SLC24A3: variants seen among roughly 807,000 people sequenced by gnomAD.
SLC24A3 encodes the protein sodium/potassium/calcium exchanger 3.
Under a neutral mutation model 75.8 loss-of-function variants are expected in SLC24A3, and 28 were observed. The observed-to-expected ratio is 0.37, with a 90% CI of 0.27 to 0.51. SLC24A3 has a LOEUF of 0.51. SLC24A3 is among the 20% of genes least tolerant of loss of function. SLC24A3 has a pLI of 0.94. For synonymous variants in SLC24A3, 372 were observed against 334.1 expected, an observed-to-expected ratio of 1.11 and a Z score of -1.24; for missense variants, 663 against 847.8, an observed-to-expected ratio of 0.78 and a Z score of 2.71.
chr20:19,678,635 C>G (rs1330181624), intron 9 of SLC24A3, among the ~76,000 whole-genome samples: 4 of 100,846 alleles, frequency 4.0e-5, no homozygotes, highest in Non-Finnish European at 8.3e-5. Context: ...TGGCCCCGGG[C>G]GGGGGGCTGA....
intron 12 of SLC24A3, among the ~76,000 whole-genome samples, chr20:19,688,842 A>G (rs2032711983): frequency 6.6e-6 from 1 of 152,214 alleles, no homozygotes; most frequent in African/African-American, 2.4e-5. Flanking sequence ...TTTAAGATTG[A>G]TATAACATAG....
intron 6 of SLC24A3, among the ~76,000 whole-genome samples, chr20:19,622,599 C>A (rs912871597): frequency 4.6e-5 from 7 of 152,138 alleles, no homozygotes; most frequent in Non-Finnish European, 7.3e-5. Context: ...ATGCTTTGGG[C>A]TAAACTGGGG....
At chr20:19,399,593 T>C (rs1986515150) in intron 2 of SLC24A3, among the ~76,000 whole-genome samples, 1 of 152,236 alleles carries the variant, frequency 6.6e-6, no homozygotes, top group African/African-American at 2.4e-5. Flanking sequence ...AATTCCACTA[T>C]GGACAGGGAA....
intron 15 of SLC24A3, among the ~76,000 whole-genome samples, chr20:19,712,387 T>C (rs1470851276): frequency 6.6e-6 from 1 of 151,944 alleles, no homozygotes; most frequent in East Asian, 1.9e-4. Flanking sequence ...GGTAAGAACA[T>C]GCCCCAACCC....
chr20:19,419,235 T>G (rs1986874626), intron 2 of SLC24A3, among the ~76,000 whole-genome samples: 1 of 152,156 alleles, frequency 6.6e-6, no homozygotes, highest in African/African-American at 2.4e-5. Flanking sequence ...GATCACTGAT[T>G]ATTGCTAACA....
At chr20:19,674,609 T>C (rs1382572753) in intron 9 of SLC24A3, among the ~76,000 whole-genome samples, 1 of 152,216 alleles carries the variant, frequency 6.6e-6, no homozygotes, top group African/African-American at 2.4e-5. Context: ...ATATTCTGTT[T>C]ATTAGAAGCG....
intron 3 of SLC24A3, among the ~76,000 whole-genome samples, chr20:19,564,728 G>T (rs1270177227): frequency 6.6e-6 from 1 of 152,156 alleles, no homozygotes; most frequent in East Asian, 1.9e-4. Flanking sequence ...TAGTTTTCAA[G>T]ATAAACCACA....
chr20:19,711,071 A>C (rs1313860010), intron 15 of SLC24A3, among the ~76,000 whole-genome samples: 1 of 151,818 alleles, frequency 6.6e-6, no homozygotes, highest in Non-Finnish European at 1.5e-5. Flanking sequence ...GCATGCACAC[A>C]TGCAGACACA....
intron 11 of SLC24A3, 138 bp from the exon 12 acceptor site, chr20:19,684,962 G>A (rs1210299488): frequency 9.9e-7 from 1 of 1,007,076 alleles, no homozygotes; most frequent in Non-Finnish European, 1.4e-6. Context: ...ACATTGAGAG[G>A]CCCCTTAAAA....
rs1167968436 is a variant in SLC24A3, at chr20:19,450,068, A to G, written c.272-65420A>G. Among the ~76,000 whole-genome samples the G allele has an allele frequency of 2.0e-5, 3 of 152,216 alleles. No individual in the cohort carries two copies. The East Asian group carries it at 5.8e-4, about 29-fold the overall frequency. On this transcript the variant is annotated intron_variant, in intron 2 of 16. Transcript: ENST00000328041. ...GATGTGCATCACTTTGGAATGGGTCAACACAAAACATCAACCATAGGTGCC... is the reference window on the plus strand; with the variant it reads ...GATGTGCATCACTTTGGAATGGGTCGACACAAAACATCAACCATAGGTGCC...
At chr20:19,673,730 TG>T in intron 9 of SLC24A3, 76 bp downstream of exon 9, 1 of 1,297,484 alleles carries the variant, frequency 7.7e-7, no homozygotes, top group Non-Finnish European at 1.1e-6. Flanking sequence ...GGAAGAGGAT[TG>T]GGGTGGGTAT....
At position 19,721,215 on chromosome 20, in the gene SLC24A3, C is replaced by A; in HGVS notation, c.*75C>A. On this transcript the variant is annotated 3_prime_UTR_variant, in exon 17 of 17. Coordinates refer to ENST00000328041, the MANE Select transcript of SLC24A3 (RefSeq NM_020689.4). The stretch of plus-strand genomic sequence containing the variant: ...AGACCCGGCCGCACCCCGAGTCACA[C>A]AGGCCCCCGGGGCCACGGCGTTCGT... The A allele has an allele frequency of 6.4e-7, 1 of 1,573,718 alleles. No individual in the cohort carries two copies. Among genetic ancestry groups the A allele is most frequent in the Non-Finnish European group, 8.6e-7 (1 of 1,159,594 alleles).
intron 2 of SLC24A3, among the ~76,000 whole-genome samples, chr20:19,503,686 T>C (rs1306749331): frequency 1.3e-5 from 2 of 152,238 alleles, no homozygotes; most frequent in African/African-American, 4.8e-5. Context: ...GCTCTTATTT[T>C]TTCCAACTGA....
At chr20:19,617,099 A>G (rs2031746246) in intron 6 of SLC24A3, among the ~76,000 whole-genome samples, 1 of 152,210 alleles carries the variant, frequency 6.6e-6, no homozygotes, top group South Asian at 2.1e-4. Context: ...GTCAAATGGA[A>G]TGACCCCAGC....
chr20:19,339,004 A>T (rs1985202257), intron 2 of SLC24A3, among the ~76,000 whole-genome samples: 1 of 152,178 alleles, frequency 6.6e-6, no homozygotes, highest in Non-Finnish European at 1.5e-5. Flanking sequence ...TCACACAGGG[A>T]TGTTCCACAT....
At chr20:19,700,757 A>T (rs1028262451) in intron 15 of SLC24A3, among the ~76,000 whole-genome samples, 1 of 152,234 alleles carries the variant, frequency 6.6e-6, no homozygotes, top group East Asian at 1.9e-4. Flanking sequence ...CATTGGAAAC[A>T]TCATCTTCAA....
chr20:19,603,450 T>G (rs2031555744), intron 6 of SLC24A3, among the ~76,000 whole-genome samples: 1 of 152,238 alleles, frequency 6.6e-6, no homozygotes, highest in Admixed American at 6.5e-5. Flanking sequence ...TGCCGGCTCT[T>G]GGTGCTCACG....
chr20:19,242,751 T>C (rs986713082), intron 1 of SLC24A3, among the ~76,000 whole-genome samples: 1 of 152,194 alleles, frequency 6.6e-6, no homozygotes, highest in Non-Finnish European at 1.5e-5. Flanking sequence ...AGTATTGAAA[T>C]GAATGTGCAA....
intron 2 of SLC24A3, among the ~76,000 whole-genome samples, chr20:19,495,346 C>G (rs886439093): frequency 6.6e-6 from 1 of 152,206 alleles, no homozygotes; most frequent in African/African-American, 2.4e-5. Flanking sequence ...AAGGAGACAT[C>G]ATTCATCTGT....
Sources: gnomAD v4.1 joint callset for allele counts (sites outside exome capture counted in the v4.1 genomes callset) on GRCh38, gnomAD v4.1.1 for gene constraint, MANE v1.5 for transcripts, NCBI Gene and HGNC (gene_info 2026-07-23, HGNC 2026-07-21) for gene names.